The following STPG2 variants were observed in gnomAD, a reference collection of about 807,000 sequenced individuals.
The protein encoded by STPG2 is sperm-tail PG-rich repeat-containing protein 2.
A neutral mutation model predicts 54.2 loss-of-function variants in STPG2; 56 were observed. That is an observed-to-expected ratio of 1.03 (90% CI 0.83 to 1.29). STPG2 has a LOEUF of 1.29. STPG2 is among the 50% of genes most tolerant of loss of function. The pLI is 0.00. For synonymous variants in STPG2, 200 were observed against 181.8 expected (o/e 1.10, Z -0.81); for missense variants, 596 against 544.9 (o/e 1.09, Z -0.93).
intron 9 of STPG2, among the ~76,000 whole-genome samples, chr4:97,743,904 G>A (rs1240594676): frequency 6.6e-6 from 1 of 151,530 alleles, no homozygotes; most frequent in Non-Finnish European, 1.5e-5. Flanking sequence ...GTGAAAGAAA[G>A]AGCATAAGCG....
Position 97,458,272 on chromosome 4 carries a change from T to A in STPG2, c.462+254427A>T, listed in dbSNP as rs79461596. 5.9e-3 allele frequency among the ~76,000 whole-genome samples: 895 copies of A among 152,328 alleles called. 3 individuals are homozygous for A. Among genetic ancestry groups the A allele is most frequent in the African/African-American group, 0.021 (859 of 41,570 alleles). ...CTAATGTCCACTTAGAATTTTTATA[T>A]TCTGTGTTCTATGGATGCAAAATTG... On this transcript the variant is annotated intron_variant, in intron 4 of 4. Transcript: ENST00000522676.
chr4:97,923,282 T>A (rs537746291), intron 8 of STPG2, among the ~76,000 whole-genome samples: 1 of 151,222 alleles, frequency 6.6e-6, no homozygotes, highest in Non-Finnish European at 1.5e-5. Flanking sequence ...ACAGGGGCTG[T>A]GCGCAGCGCT....
At chr4:98,023,852 C>A (rs1736321823) in intron 5 of STPG2, among the ~76,000 whole-genome samples, 1 of 152,204 alleles carries the variant, frequency 6.6e-6, no homozygotes, top group South Asian at 2.1e-4. Flanking sequence ...GATATAATCT[C>A]CTGGTGTGCC....
At chr4:98,032,965 C>T (rs991730848) in intron 5 of STPG2, among the ~76,000 whole-genome samples, 14 of 152,078 alleles carry the variant, frequency 9.2e-5, no homozygotes. Context: ...ATTTATAGCA[C>T]TAAATGCTCA....
intron 4 of STPG2, among the ~76,000 whole-genome samples, chr4:97,552,913 C>A (rs1423107333): frequency 6.6e-6 from 1 of 152,186 alleles, no homozygotes; most frequent in South Asian, 2.1e-4. Context: ...TGAGAAAGAT[C>A]AAGCCATGTT....
At chr4:97,475,724 T>G (rs1235211602) in intron 4 of STPG2, among the ~76,000 whole-genome samples, 2 of 152,088 alleles carry the variant, frequency 1.3e-5, no homozygotes, top group Non-Finnish European at 2.9e-5. Context: ...CCATGAATAC[T>G]TTGACCTTAG....
At chr4:97,600,803 G>A (rs544372379) in intron 10 of STPG2, among the ~76,000 whole-genome samples, 1 of 152,206 alleles carries the variant, frequency 6.6e-6, no homozygotes, top group South Asian at 2.1e-4. Context: ...TTTAGACTTA[G>A]TTTAAAGAGT....
chr4:97,618,631 G>A (rs1393811883), intron 10 of STPG2, among the ~76,000 whole-genome samples: 2 of 152,056 alleles, frequency 1.3e-5, no homozygotes, highest in Non-Finnish European at 2.9e-5. Context: ...ATCATCTGAA[G>A]AGTGACCTGT....
chr4:97,871,090 T>C (rs946302773), intron 8 of STPG2, among the ~76,000 whole-genome samples: 2 of 150,924 alleles, frequency 1.3e-5, no homozygotes, highest in African/African-American at 4.8e-5. Context: ...AAATACAAAT[T>C]CAAATTATAG....
rs963590699 is a variant in STPG2 at position 97,736,391 on chromosome 4, C to T, written c.1205-23577G>A. 2.6e-5 allele frequency among the ~76,000 whole-genome samples: 4 copies of T among 152,138 alleles called. No homozygotes were observed. In the South Asian group the frequency reaches 6.2e-4, roughly 24 times the overall value. On this transcript the variant is annotated intron_variant, in intron 9 of 10. Coordinates refer to ENST00000295268, the MANE Select transcript of STPG2 (RefSeq NM_174952.3). ...TGGGTGCAGCACACCGTGCGCGAGT[C>T]GAAGCAGGGCGAGGCATTGCCTCAC...
intron 5 of STPG2, among the ~76,000 whole-genome samples, chr4:98,064,167 A>G (rs1319874161): frequency 6.6e-6 from 1 of 152,246 alleles, no homozygotes; most frequent in Non-Finnish European, 1.5e-5. Context: ...AATAGATGTA[A>G]AAGTTAAATT....
intron 10 of STPG2, among the ~76,000 whole-genome samples, chr4:97,587,704 A>T (rs1168134746): frequency 6.6e-6 from 1 of 151,880 alleles, no homozygotes; most frequent in Admixed American, 6.6e-5. Context: ...TCTGTTTCAT[A>T]TTTCTCACAT....
intron 8 of STPG2, among the ~76,000 whole-genome samples, chr4:97,843,960 A>G (rs1487711523): frequency 6.6e-6 from 1 of 151,870 alleles, no homozygotes; most frequent in African/African-American, 2.4e-5. Flanking sequence ...AAAAGGATTC[A>G]GAATTTCCAA....
chr4:97,522,912 C>G (rs1401857320), intron 4 of STPG2, among the ~76,000 whole-genome samples: 1 of 151,910 alleles, frequency 6.6e-6, no homozygotes, highest in African/African-American at 2.4e-5. Context: ...ATTCATAAGT[C>G]TTCACAGCTA....
At chr4:97,868,332 T>C (rs1359590578) in intron 8 of STPG2, among the ~76,000 whole-genome samples, 1 of 151,852 alleles carries the variant, frequency 6.6e-6, no homozygotes, top group Non-Finnish European at 1.5e-5. Context: ...TTGGCGGAGG[T>C]TCATCTGTGG....
chr4:97,958,493 G>A (rs1733770342), intron 7 of STPG2, among the ~76,000 whole-genome samples: 1 of 152,064 alleles, frequency 6.6e-6, no homozygotes, highest in Admixed American at 6.6e-5. Flanking sequence ...CTCCATTCAG[G>A]AGACTCACCT....
intron 9 of STPG2, among the ~76,000 whole-genome samples, chr4:97,787,957 T>C (rs1726876719): frequency 1.3e-5 from 2 of 151,864 alleles, no homozygotes; most frequent in Admixed American, 1.3e-4. Context: ...GGGTACATAG[T>C]AGGTGTATAG....
At chr4:97,539,087 C>T (rs1244055284) in intron 4 of STPG2, among the ~76,000 whole-genome samples, 2 of 152,132 alleles carry the variant, frequency 1.3e-5, no homozygotes, top group East Asian at 3.8e-4. Context: ...ACTGCAAAAA[C>T]ATACCAAATT....
chr4:97,908,467 G>A (rs1226811012), intron 8 of STPG2, among the ~76,000 whole-genome samples: 5 of 150,242 alleles, frequency 3.3e-5, no homozygotes, highest in South Asian at 4.3e-4. Context: ...CGATTCCTCA[G>A]GGATCTAGAA....
Sources: gnomAD v4.1 joint callset for allele counts (sites outside exome capture counted in the v4.1 genomes callset) on GRCh38, gnomAD v4.1.1 for gene constraint, MANE v1.5 for transcripts, NCBI Gene and HGNC (gene_info 2026-07-23, HGNC 2026-07-21) for gene names.